The following COBL variants were observed in gnomAD, a reference collection of about 807,000 sequenced individuals.
COBL encodes the protein cordon-bleu WH2 repeat protein.
In COBL, 51 loss-of-function variants were observed where a neutral mutation model predicts 98.8. That is an observed-to-expected ratio of 0.52 (90% CI 0.41 to 0.65). COBL has a LOEUF of 0.65. COBL is among the 30% of genes least tolerant of loss of function. COBL has a pLI of 0.00. For missense variants in COBL, 1,617 were observed against 1,617.5 expected (o/e 1.00, Z 0.01); for synonymous variants, 634 against 651.7 (o/e 0.97, Z 0.41).
intron 8 of COBL, chr7:51,032,809 T>C (rs2128876751): frequency 6.6e-6 from 1 of 152,298 alleles, no homozygotes; most frequent in Admixed American, 6.5e-5. Context: ...ATGGTTTAAA[T>C]ACATTTAAAT....
chr7:51,129,962 C>T (rs1040106359), intron 6 of COBL, among the ~76,000 whole-genome samples: 11 of 152,172 alleles, frequency 7.2e-5, no homozygotes, highest in Non-Finnish European at 1.5e-4. Flanking sequence ...GAAGCCAGTG[C>T]ACCAGGAAAC....
chr7:51,056,435 C>T (rs1392105179), intron 7 of COBL, among the ~76,000 whole-genome samples: 1 of 152,128 alleles, frequency 6.6e-6, no homozygotes, highest in Non-Finnish European at 1.5e-5. Context: ...TCATCAATGG[C>T]AGCATTGAAA....
At chr7:51,171,511 T>A (rs866690071) in intron 5 of COBL, among the ~76,000 whole-genome samples, 4 of 152,304 alleles carry the variant, frequency 2.6e-5, no homozygotes, top group South Asian at 2.1e-4. Context: ...CCTTTTCTTA[T>A]CAGTAAATCA....
chr7:51,118,385 C>T (rs964761337), intron 6 of COBL, among the ~76,000 whole-genome samples: 12 of 151,950 alleles, frequency 7.9e-5, no homozygotes, highest in African/African-American at 2.9e-4. Context: ...ATTGGGAAGG[C>T]TCAGTGGGGT....
intron 7 of COBL, chr7:51,072,714 T>C (rs543409702): frequency 3.9e-5 from 6 of 152,192 alleles, no homozygotes; most frequent in African/African-American, 9.7e-5. Flanking sequence ...AATCATAATA[T>C]AGAATAATGA....
At chr7:51,224,718 C>T (rs750321251) in intron 1 of COBL, among the ~76,000 whole-genome samples, 1 of 152,076 alleles carries the variant, frequency 6.6e-6, no homozygotes, top group African/African-American at 2.4e-5. Flanking sequence ...GGCAATGGCG[C>T]AATCTTGGCT....
chr7:51,073,507 C>A, intron 7 of COBL: 1 of 484,240 alleles, frequency 2.1e-6, no homozygotes, highest in Non-Finnish European at 3.7e-6. Context: ...GTTCTATCAG[C>A]CAAAGCATAT....
intron 4 of COBL, among the ~76,000 whole-genome samples, chr7:51,190,103 G>C (rs1370513435): frequency 2.0e-5 from 3 of 152,208 alleles, no homozygotes; most frequent in African/African-American, 4.8e-5. Flanking sequence ...CACTGTAATT[G>C]TTCAGTTTTA....
chr7:51,270,285 G>A (rs1798635057), intron 1 of COBL, among the ~76,000 whole-genome samples: 1 of 152,172 alleles, frequency 6.6e-6, no homozygotes, highest in South Asian at 2.1e-4. Flanking sequence ...GACTGGCTCT[G>A]AGGTGCTGAA....
intron 7 of COBL, among the ~76,000 whole-genome samples, chr7:51,051,312 AT>A (rs1481183915): frequency 6.6e-6 from 1 of 152,122 alleles, no homozygotes; most frequent in African/African-American, 2.4e-5. Flanking sequence ...TTATCTGTGG[AT>A]TTTTAAAATT....
At chr7:51,062,056 T>G (rs1376510066) in intron 7 of COBL, among the ~76,000 whole-genome samples, 1 of 152,140 alleles carries the variant, frequency 6.6e-6, no homozygotes, top group African/African-American at 2.4e-5. Context: ...AATATTCCAT[T>G]AGGGCTAAAC....
chr7:51,026,820 C>T (rs571468059), intron 10 of COBL, among the ~76,000 whole-genome samples, 155 bp from the exon 11 acceptor site: 3 of 152,182 alleles, frequency 2.0e-5, no homozygotes, highest in South Asian at 2.1e-4. Context: ...ATTGTTTGAA[C>T]CCGGGAGGCA....
chr7:51,113,047 G>A (rs1167478528), intron 6 of COBL, among the ~76,000 whole-genome samples: 3 of 152,204 alleles, frequency 2.0e-5, no homozygotes, highest in Non-Finnish European at 2.9e-5. Flanking sequence ...CTTTGGCACA[G>A]GTCTAGGGTG....
intron 2 of COBL, among the ~76,000 whole-genome samples, chr7:51,208,744 A>G (rs1252986857): frequency 6.6e-6 from 1 of 151,220 alleles, no homozygotes; most frequent in Non-Finnish European, 1.5e-5. Context: ...TTGGGATCCT[A>G]TTGATCTGTG....
At chr7:51,118,772 A>C (rs1318957293) in intron 6 of COBL, among the ~76,000 whole-genome samples, 1 of 152,164 alleles carries the variant, frequency 6.6e-6, no homozygotes, top group Non-Finnish European at 1.5e-5. Context: ...GGATGGATTC[A>C]AATCCAGGCA....
At chr7:51,277,935 A>G (rs1434876609) in intron 1 of COBL, among the ~76,000 whole-genome samples, 3 of 152,214 alleles carry the variant, frequency 2.0e-5, no homozygotes, top group African/African-American at 4.8e-5. Flanking sequence ...AAGAGAGGAC[A>G]TATCTGTCAA....
chr7:51,300,346 C>CA (rs1801824408), intron 1 of COBL, among the ~76,000 whole-genome samples: 1 of 151,980 alleles, frequency 6.6e-6, no homozygotes, highest in Admixed American at 6.6e-5. Flanking sequence ...TTTTTAGTAG[C>CA]GATGGGGTTT....
At chr7:51,298,242 C>G (rs1268161938) in intron 1 of COBL, among the ~76,000 whole-genome samples, 2 of 152,232 alleles carry the variant, frequency 1.3e-5, no homozygotes, top group Admixed American at 6.5e-5. Flanking sequence ...GCATATGACT[C>G]TAAGCATAGT....
chr7:51,193,496 T>C lies in COBL; in HGVS notation c.339A>G (p.Gln113=), dbSNP rs1345679078. Residue 113 remains glutamine (Q), a synonymous_variant, in exon 3 of 13, where the codon CAA becomes CAG. Coordinates refer to ENST00000265136, the MANE Select transcript of COBL (RefSeq NM_015198.5). ...TATTTGGCTTAAAACTCAAAGGTTGTTGGGTTTCTGAAGACCGAATTTCAA... is the reference window on the plus strand; with the variant it reads ...TATTTGGCTTAAAACTCAAAGGTTGCTGGGTTTCTGAAGACCGAATTTCAA... ...HALEIRSSET[Q]QPLSFKPNTL... is the part of the protein sequence containing the mutation. 1 of 1,614,212 alleles carries C rather than the reference T, an allele frequency of 6.2e-7. No individual in the cohort carries two copies. The highest frequency in any genetic ancestry group is 2.2e-5 in the East Asian group (1 of 44,888).
Sources: gnomAD v4.1 joint callset for allele counts (sites outside exome capture counted in the v4.1 genomes callset) on GRCh38, gnomAD v4.1.1 for gene constraint, MANE v1.5 for transcripts, NCBI Gene and HGNC (gene_info 2026-07-23, HGNC 2026-07-21) for gene names.